The following GRM1 variants were observed in gnomAD, a reference collection of about 807,000 sequenced individuals.
The protein encoded by GRM1 is glutamate metabotropic receptor 1.
Under a neutral mutation model 90.9 loss-of-function variants are expected in GRM1, and 33 were observed. The ratio of observed to expected loss-of-function variants is 0.36; its 90% CI spans 0.28 to 0.49. GRM1 has a LOEUF of 0.49. Among genes scored for constraint, GRM1 ranks in the 20% least tolerant of loss-of-function variants. GRM1 has a pLI of 0.99. For synonymous variants in GRM1, 700 were observed against 613.2 expected (o/e 1.14, Z -2.09); for missense variants, 1,190 against 1,534.3 (o/e 0.78, Z 3.75).
chr6:146,150,313 A>G (rs1389317474), intron 1 of GRM1, among the ~76,000 whole-genome samples: 1 of 152,212 alleles, frequency 6.6e-6, no homozygotes, highest in Admixed American at 6.5e-5. Flanking sequence ...CCTGATAGTT[A>G]TAGATGTTGA....
intron 1 of GRM1, among the ~76,000 whole-genome samples, chr6:146,138,727 CT>C (rs1014696037): frequency 4.6e-5 from 7 of 151,418 alleles, no homozygotes; most frequent in African/African-American, 1.2e-4. Context: ...GCCTTATCTG[CT>C]TTTTTTTAGT....
intron 1 of GRM1, among the ~76,000 whole-genome samples, chr6:146,120,840 A>T (rs1775957499): frequency 6.6e-6 from 1 of 152,176 alleles, no homozygotes; most frequent in Admixed American, 6.5e-5. Context: ...TCAGTTTGCC[A>T]GTATTTTATT....
chr6:146,048,454 A>G (rs1791412596), intron 1 of GRM1, among the ~76,000 whole-genome samples: 1 of 152,046 alleles, frequency 6.6e-6, no homozygotes. Flanking sequence ...CATTAAAACC[A>G]TTAAAACATA....
intron 1 of GRM1, among the ~76,000 whole-genome samples, chr6:146,047,575 G>GA (rs5880663): frequency 1.4e-4 from 19 of 139,164 alleles, no homozygotes; most frequent in African/African-American, 2.4e-4. Flanking sequence ...CATGCCTCAG[G>GA]AAAAAAAAAA....
intron 1 of GRM1, among the ~76,000 whole-genome samples, chr6:146,135,288 C>T (rs776441033): frequency 2.0e-5 from 3 of 152,128 alleles, no homozygotes; most frequent in Non-Finnish European, 2.9e-5. Context: ...GCTGCCAGAG[C>T]GCCTGCTTAT....
chr6:146,221,868 A>G (rs978913257), intron 2 of GRM1, among the ~76,000 whole-genome samples: 1 of 152,306 alleles, frequency 6.6e-6, no homozygotes, highest in East Asian at 1.9e-4. Context: ...GATATTACTT[A>G]CAGACATTGA....
chr6:146,208,350 A>T (rs930871139), intron 2 of GRM1, among the ~76,000 whole-genome samples: 2 of 152,024 alleles, frequency 1.3e-5, no homozygotes, highest in African/African-American at 4.8e-5. Flanking sequence ...AAAAATGTAT[A>T]TTTTTTTCTG....
At chr6:146,252,536 C>T (rs941619989) in intron 2 of GRM1, among the ~76,000 whole-genome samples, 11 of 151,940 alleles carry the variant, frequency 7.2e-5, no homozygotes, top group East Asian at 1.9e-4. Flanking sequence ...TGTTTGAACC[C>T]GGGAGGCAGA....
At chr6:146,034,204 C>A (rs1790804154) in intron 1 of GRM1, among the ~76,000 whole-genome samples, 2 of 151,980 alleles carry the variant, frequency 1.3e-5, no homozygotes, top group South Asian at 4.1e-4. Flanking sequence ...ATGTAATGAC[C>A]TAAAACAGAT....
intron 2 of GRM1, among the ~76,000 whole-genome samples, chr6:146,215,983 A>G (rs1362770986): frequency 6.6e-6 from 1 of 152,030 alleles, no homozygotes; most frequent in East Asian, 1.9e-4. Flanking sequence ...GGTCTCGATC[A>G]CCTGAACTTA....
At chr6:146,335,594 A>G (rs1784745022) in intron 3 of GRM1, among the ~76,000 whole-genome samples, 2 of 152,134 alleles carry the variant, frequency 1.3e-5, no homozygotes, top group Non-Finnish European at 2.9e-5. Flanking sequence ...ATTTCCATCA[A>G]TAACTTCTTC....
chr6:146,352,168 C>T, intron 3 of GRM1, 82 bp from the exon 4 acceptor site: 2 of 1,446,162 alleles, frequency 1.4e-6, no homozygotes, highest in South Asian at 1.2e-5. Context: ...TCTGAGAACC[C>T]CCAAAAGCAT....
Position 146,165,044 on chromosome 6 carries a change from A to G in GRM1, c.950+5447A>G, listed in dbSNP as rs540293537. Among the ~76,000 whole-genome samples the G allele has an allele frequency of 2.6e-5, 4 of 151,798 alleles. No individual in the cohort carries two copies. In the South Asian group the frequency reaches 6.2e-4, roughly 24 times the overall value. On this transcript the variant is annotated intron_variant, in intron 2 of 7. Transcript: ENST00000282753. ...TTCTCACTCATTAGGCCAACTTTCT[A>G]TCACTCCTCACTGCAGAGAAACACC...
intron 2 of GRM1, among the ~76,000 whole-genome samples, chr6:146,198,577 T>C (rs754931418): frequency 2.6e-5 from 4 of 152,166 alleles, no homozygotes; most frequent in Admixed American, 6.5e-5. Flanking sequence ...CACCATTGGG[T>C]AGGTCCATAC....
Position 146,399,256 on chromosome 6 carries a change from C to T in GRM1, c.2217C>T (p.Ile739=). The change falls in exon 7 of 8, where the codon ATC becomes ATT. Residue 739 remains isoleucine, a synonymous_variant. Coordinates refer to ENST00000282753, the MANE Select transcript of GRM1 (RefSeq NM_001278064.2). The surrounding 1 kb of genome is among the most constrained non-coding windows in gnomAD (Gnocchi z 5.4). ...TGCCCATTCTGTCCTACCCAAGTAT[C>T]AAGGAAGTCTACCTTATCTGCAATA... ...PPMPILSYPS[I]KEVYLICNTS... The T allele has an allele frequency of 6.2e-7, 1 of 1,614,068 alleles. No homozygotes were observed. The highest frequency in any genetic ancestry group is 1.3e-5 in the African/African-American group (1 of 75,012).
At chr6:146,226,717 A>C (rs1204694219) in intron 2 of GRM1, among the ~76,000 whole-genome samples, 1 of 152,154 alleles carries the variant, frequency 6.6e-6, no homozygotes, top group African/African-American at 2.4e-5. Flanking sequence ...TTGACCAATT[A>C]CTGCTCATGC....
intron 5 of GRM1, among the ~76,000 whole-genome samples, chr6:146,377,957 C>A (rs1425145276): frequency 6.6e-6 from 1 of 152,168 alleles, no homozygotes; most frequent in Non-Finnish European, 1.5e-5. Flanking sequence ...TGGTGCCCTG[C>A]ATCCCAGCTG....
chr6:146,377,925 G>A (rs546751202), intron 5 of GRM1, among the ~76,000 whole-genome samples: 1 of 152,266 alleles, frequency 6.6e-6, no homozygotes, highest in South Asian at 2.1e-4. Flanking sequence ...GAAGTTGGAA[G>A]TGTGTGTGCA....
In GRM1 at chr6:146,033,444, T is replaced by C. The variant is rs141284505; in HGVS notation, c.700+3227T>C. On this transcript the variant is annotated intron_variant, in intron 1 of 7. Transcript: ENST00000282753. ...TAAAAATAACTGTAGTTAATAAAAT[T>C]CAAAGCATTGAACAAGTCCAATAAA... Among the ~76,000 whole-genome samples, 1,376 of 152,268 alleles carry C rather than the reference T, an allele frequency of 9.0e-3. 12 individuals carry two copies. The highest frequency in any genetic ancestry group is 0.014 in the South Asian group (70 of 4,828).
Sources: gnomAD v4.1 joint callset for allele counts (sites outside exome capture counted in the v4.1 genomes callset) on GRCh38, gnomAD v4.1.1 for gene constraint, Gnocchi (gnomAD v3.1) non-coding constraint, MANE v1.5 for transcripts, NCBI Gene and HGNC (gene_info 2026-07-23, HGNC 2026-07-21) for gene names.